Variants in CSDE1 observed in about 807,000 individuals in gnomAD.
The protein encoded by CSDE1 is cold shock domain-containing protein E1.
In CSDE1, 17 loss-of-function variants were observed where a neutral mutation model predicts 89.3. The observed-to-expected ratio is 0.19, with a 90% CI of 0.13 to 0.29. The LOEUF is 0.29. Among genes scored for constraint, CSDE1 ranks in the 10% least tolerant of loss-of-function variants. The pLI, the probability that CSDE1 is intolerant of heterozygous loss-of-function variation, is 1.00. For synonymous variants in CSDE1, 322 were observed against 332.8 expected, an observed-to-expected ratio of 0.97 and a Z score of 0.35; for missense variants, 672 against 984.2, an observed-to-expected ratio of 0.68 and a Z score of 4.24.
intron 2 of CSDE1, among the ~76,000 whole-genome samples, chr1:114,747,058 C>CT (rs1261083828): frequency 2.0e-5 from 3 of 152,186 alleles, no homozygotes; most frequent in Non-Finnish European, 4.4e-5. Flanking sequence ...AGGAGCGCGA[C>CT]AGGAATTTTC....
intron 2 of CSDE1, among the ~76,000 whole-genome samples, chr1:114,744,960 C>G (rs943796468): frequency 3.3e-5 from 5 of 151,948 alleles, no homozygotes; most frequent in Non-Finnish European, 7.4e-5. Flanking sequence ...TCTTGAATAT[C>G]AATTATTAAA....
At position 114,730,712 on chromosome 1, in the gene CSDE1, C is replaced by T. The variant is rs145190805; in HGVS notation, c.1051-64G>A. The T allele has an allele frequency of 1.1e-5, 18 of 1,571,608 alleles. No homozygotes were observed. In the Admixed American group the frequency reaches 2.0e-4, roughly 18 times the overall value. On this transcript the variant is annotated intron_variant, in intron 10 of 19. Transcript: ENST00000358528. ...GTCAAGAAGGCAACATTCAACTTTA[C>T]AACCACCATCAAGTTAAATTCATCA... is the stretch of plus-strand genomic sequence containing the variant.
chr1:114,744,268 G>A (rs754482100), intron 2 of CSDE1, among the ~76,000 whole-genome samples: 2 of 152,034 alleles, frequency 1.3e-5, no homozygotes, highest in African/African-American at 2.4e-5. Context: ...CAAATGAACC[G>A]AGTTTAATGT....
intron 18 of CSDE1, chr1:114,719,064 C>T (rs573922719): frequency 4.1e-5 from 11 of 267,084 alleles, no homozygotes; most frequent in South Asian, 1.9e-4. Flanking sequence ...GTAATCCCAG[C>T]GCTTTGAGAG....
At position 114,726,357 on chromosome 1, in the gene CSDE1, C is replaced by G. The variant is rs947495575; in HGVS notation, c.1494G>C (p.Arg498Ser). Residue 498 changes from arginine (R) to serine (S), a missense_variant, in exon 14 of 20, where the codon AGG becomes AGC. This residue lies in a region of CSDE1 where 108 missense variants were observed against 105.0 expected (regional missense o/e 1.03). Coordinates refer to ENST00000358528, the MANE Select transcript of CSDE1 (RefSeq NM_001007553.3). ...CACAAGTTGCAACCTGCTGTCCAGG[C>G]CTCTGTTTGTCACTAATACTAAATT... Reference protein sequence around the residue: ...KVEFSISDKQRPGQQVATCVR... With the variant: ...KVEFSISDKQSPGQQVATCVR... 6.8e-6 allele frequency: 11 copies of G among 1,612,016 alleles called. No homozygotes were observed. The highest frequency in any genetic ancestry group is 6.8e-6 in the Non-Finnish European group (8 of 1,179,378).
intron 2 of CSDE1, among the ~76,000 whole-genome samples, chr1:114,746,319 T>C (rs1448841624): frequency 1.3e-5 from 2 of 152,162 alleles, no homozygotes; most frequent in East Asian, 3.8e-4. Context: ...TTTTATAACT[T>C]TGTAAAACTA....
At chr1:114,753,389 A>G (rs1187049269) in intron 1 of CSDE1, among the ~76,000 whole-genome samples, 3 of 152,228 alleles carry the variant, frequency 2.0e-5, no homozygotes, top group African/African-American at 7.2e-5. Flanking sequence ...TGAATAATTT[A>G]CTGGCCGAAT....
chr1:114,720,494 A>G (rs1393108883), intron 17 of CSDE1, 45 bp downstream of exon 17: 3 of 1,488,582 alleles, frequency 2.0e-6, no homozygotes, highest in Non-Finnish European at 9.1e-7. Context: ...TTGGTTACCA[A>G]CTCATAGAAG....
intron 17 of CSDE1, 82 bp from the exon 18 acceptor site, chr1:114,719,824 A>G: frequency 7.4e-7 from 1 of 1,347,248 alleles, no homozygotes; most frequent in Non-Finnish European, 1.0e-6. Flanking sequence ...CCTATCTAAA[A>G]GGATGTATAA....
At chr1:114,752,684 T>C (rs543759405) in intron 1 of CSDE1, among the ~76,000 whole-genome samples, 5 of 152,300 alleles carry the variant, frequency 3.3e-5, no homozygotes, top group South Asian at 2.1e-4. Flanking sequence ...AAAAATACTA[T>C]GTTGTGATCT....
intron 3 of CSDE1, among the ~76,000 whole-genome samples, chr1:114,738,494 G>A (rs191704748): frequency 3.3e-5 from 5 of 151,874 alleles, no homozygotes; most frequent in African/African-American, 1.2e-4. Context: ...TATGTAAAAG[G>A]AGAATAATTC....
At chr1:114,754,546 TTC>T (rs759487646) in intron 1 of CSDE1, among the ~76,000 whole-genome samples, 4 of 152,226 alleles carry the variant, frequency 2.6e-5, no homozygotes, top group African/African-American at 4.8e-5. Flanking sequence ...AGGCAGTATC[TTC>T]TTTTAGGCAG....
At chr1:114,741,655 C>T (rs1660732792) in intron 2 of CSDE1, 5 of 1,544,088 alleles carry the variant, frequency 3.2e-6, no homozygotes, top group South Asian at 1.2e-5. Context: ...ACAGTAAAAA[C>T]GTTCTCCATC....
At position 114,736,781 on chromosome 1, in the gene CSDE1, G is replaced by A. The variant is rs796077720; in HGVS notation, c.477C>T (p.Asn159=). The A allele has an allele frequency of 1.9e-6, 3 of 1,611,892 alleles. No homozygotes were observed. The highest frequency in any genetic ancestry group is 4.5e-5 in the East Asian group (2 of 44,832). The change falls in exon 6 of 20, where the codon AAC becomes AAT. Residue 159 remains asparagine, a synonymous_variant. Coordinates refer to ENST00000358528, the MANE Select transcript of CSDE1 (RefSeq NM_001007553.3). ...ACTGTTTATTGTTATCAATTACAAA[G>A]TTTATTTTATCTCCAGTTTCCAGCT... The part of the protein sequence containing the change: ...NVQLETGDKI[N]FVIDNNKHTG...
chr1:114,726,498 C>T, intron 13 of CSDE1, 112 bp from the exon 14 acceptor site: 1 of 781,092 alleles, frequency 1.3e-6, no homozygotes, highest in Non-Finnish European at 1.9e-6. Context: ...TCCAAATATC[C>T]TTTGTTATTA....
chr1:114,736,448 C>T (rs565554266), intron 6 of CSDE1, among the ~76,000 whole-genome samples: 77 of 152,258 alleles, frequency 5.1e-4, no homozygotes, highest in African/African-American at 1.8e-3. Context: ...GCTTTTTTCT[C>T]ACCTCTCTAT....
At chr1:114,754,538 G>A (rs74113599) in intron 1 of CSDE1, among the ~76,000 whole-genome samples, 3,298 of 152,246 alleles carry the variant, frequency 0.022, 71 homozygotes, top group South Asian at 0.091. Flanking sequence ...CTTCCTTTAG[G>A]CAGTATCTTC....
In CSDE1 at chr1:114,717,326, GT is replaced by G. The variant is rs1474594759; in HGVS notation, c.*842del. ...CAACTTTTTTATTTTTTTTTGTTTTGTTTTTAAATCAGTAAAAGAAACCGGG... is the reference window on the plus strand; with the variant it reads ...CAACTTTTTTATTTTTTTTTGTTTTGTTTTAAATCAGTAAAAGAAACCGGG... On this transcript the variant is annotated 3_prime_UTR_variant, in exon 20 of 20. Transcript: ENST00000358528. 6.6e-6 allele frequency: 1 copy of G among 151,154 alleles called. No homozygotes were observed. The highest frequency in any genetic ancestry group is 1.5e-5 in the Non-Finnish European group (1 of 67,678). 9.4% of individuals were successfully genotyped at this position (151,154 alleles called of 1,614,324 possible). A position where few individuals can be genotyped will look rare whatever the true frequency, so the allele number is the denominator to read the frequency against.
At position 114,718,810 on chromosome 1, in the gene CSDE1, G is replaced by A; in HGVS notation, c.2217-65C>T. The A allele has an allele frequency of 3.8e-6, 6 of 1,576,530 alleles. No homozygotes were observed. The South Asian group carries it at 5.8e-5, about 15-fold the overall frequency. On this transcript the variant is annotated intron_variant, in intron 18 of 19. Coordinates refer to ENST00000358528, the MANE Select transcript of CSDE1 (RefSeq NM_001007553.3). Reference sequence around the variant, plus strand: ...TGGGCAGACAGCAAGCACTTGCAAAGGAGTGTGTTTTCCACCTAACTGCCC... The same window carrying A: ...TGGGCAGACAGCAAGCACTTGCAAAAGAGTGTGTTTTCCACCTAACTGCCC...
Sources: gnomAD v4.1 joint callset for allele counts (sites outside exome capture counted in the v4.1 genomes callset) on GRCh38, gnomAD v4.1.1 for gene constraint, gnomAD v4.1.1 regional missense constraint, MANE v1.5 for transcripts, NCBI Gene and HGNC (gene_info 2026-07-23, HGNC 2026-07-21) for gene names.